WDR44: variants seen among roughly 807,000 people sequenced by gnomAD.
WDR44 encodes WD repeat domain 44, also known as WD repeat-containing protein 44.
In WDR44, 9 loss-of-function variants were observed where a neutral mutation model predicts 65.7. That is an observed-to-expected ratio of 0.14 (90% confidence interval 0.08 to 0.24). WDR44 has a LOEUF of 0.24. Ranked by LOEUF, WDR44 falls within the 10% of genes least tolerant of loss-of-function variation. The pLI, the probability that WDR44 is intolerant of heterozygous loss-of-function variation, is 1.00. For synonymous variants in WDR44, 220 were observed against 235.2 expected, an observed-to-expected ratio of 0.94 and a Z score of 0.59; for missense variants, 425 against 670.9, an observed-to-expected ratio of 0.63 and a Z score of 4.05.
chrX:118,424,339 A>ATATATATATG lies in WDR44; in HGVS notation c.1738-8432_1738-8423dup, dbSNP rs1556124705. ...TGTGTGTGTGTATATATATATATAT[A>ATATATATATG]TATATATATGTATATATATATAATG... On this transcript the variant is annotated intron_variant, in intron 12 of 19. Coordinates refer to ENST00000254029, the MANE Select transcript of WDR44 (RefSeq NM_019045.5). Among the ~76,000 whole-genome samples, 190 of 85,200 alleles carry ATATATATATG rather than the reference A, an allele frequency of 2.2e-3. 2 individuals are homozygous for ATATATATATG. Among genetic ancestry groups the ATATATATATG allele is most frequent in the African/African-American group, 0.011 (179 of 16,595 alleles). The allele number at this position is 85,200 out of a possible 115,157, so 74.0% of individuals were successfully genotyped here. A position where few individuals can be genotyped will look rare whatever the true frequency, so the allele number is the denominator to read the frequency against.
At chrX:118,397,530 A>G (rs1196361343) in intron 7 of WDR44, among the ~76,000 whole-genome samples, 1 of 111,380 alleles carries the variant, frequency 9.0e-6, no homozygotes, top group Non-Finnish European at 1.9e-5. Context: ...TAACAGAAAA[A>G]TGAGGCTAAA....
At chrX:118,420,753 G>C (rs2057098166) in intron 12 of WDR44, among the ~76,000 whole-genome samples, 2 of 112,319 alleles carry the variant, frequency 1.8e-5, no homozygotes, top group Non-Finnish European at 3.8e-5. Flanking sequence ...CCTTCACAGG[G>C]CAAAGCCCTA....
intron 2 of WDR44, among the ~76,000 whole-genome samples, chrX:118,380,337 A>G (rs981700932): frequency 3.6e-5 from 4 of 111,681 alleles, no homozygotes; most frequent in Non-Finnish European, 7.5e-5. Context: ...ATGCAGAACT[A>G]TTTCATCATC....
At chrX:118,377,717 C>T (rs953180082) in intron 1 of WDR44, among the ~76,000 whole-genome samples, 1 of 75,650 alleles carries the variant, frequency 1.3e-5, no homozygotes, top group Admixed American at 1.7e-4. Flanking sequence ...TAATTTTCTT[C>T]TCTCTCTTTT....
At chrX:118,402,003 GT>G (rs1007133722) in intron 8 of WDR44, among the ~76,000 whole-genome samples, 2 of 103,588 alleles carry the variant, frequency 1.9e-5, no homozygotes, top group African/African-American at 3.7e-5. Context: ...GCTGTTTTTT[GT>G]TTTTTTTGTT....
chrX:118,379,746 G>A (rs1488492037), intron 2 of WDR44, among the ~76,000 whole-genome samples: 1 of 111,589 alleles, frequency 9.0e-6, no homozygotes, highest in Non-Finnish European at 1.9e-5. Flanking sequence ...GAGTGCTTAA[G>A]AAAAGTTATA....
chrX:118,382,774 T>C (rs1333770668), intron 2 of WDR44, among the ~76,000 whole-genome samples: 28 of 111,906 alleles, frequency 2.5e-4, no homozygotes, highest in African/African-American at 8.4e-4. Context: ...TTGCTGAAAA[T>C]TGAATAAGCT....
rs769116430 is a variant in WDR44 at position 118,425,337 on chromosome X, A to G, written c.1738-7444A>G. Among the ~76,000 whole-genome samples the G allele has an allele frequency of 7.1e-5, 8 of 112,434 alleles. No homozygotes were observed. In the South Asian group the frequency reaches 2.9e-3, roughly 41 times the overall value. On this transcript the variant is annotated intron_variant, in intron 12 of 19. Transcript: ENST00000254029. The stretch of plus-strand genomic sequence containing the variant: ...TTTTAAAAGGATCATTCTGACTTTT[A>G]TACTGAGAACAAACTATAAGAAGAT...
chrX:118,444,248 C>T, intron 18 of WDR44, 112 bp from the exon 19 acceptor site: 3 of 917,016 alleles, frequency 3.3e-6, no homozygotes, highest in Non-Finnish European at 4.4e-6. Context: ...TTTTAAATCA[C>T]TCTTAGTTAC....
chrX:118,349,774 T>G (rs2056388049), intron 1 of WDR44, among the ~76,000 whole-genome samples: 1 of 110,910 alleles, frequency 9.0e-6, no homozygotes, highest in South Asian at 3.8e-4. Flanking sequence ...GGTCTTGAAC[T>G]CCTAACCTCA....
chrX:118,347,962 A>C, intron 1 of WDR44, among the ~76,000 whole-genome samples: 1 of 111,421 alleles, frequency 9.0e-6, no homozygotes, highest in East Asian at 2.8e-4. Flanking sequence ...CGTGAAACTT[A>C]ATTTTTGTGT....
At chrX:118,394,553 C>T (rs1410209307) in intron 5 of WDR44, among the ~76,000 whole-genome samples, 2 of 107,476 alleles carry the variant, frequency 1.9e-5, no homozygotes, top group Non-Finnish European at 3.9e-5. Flanking sequence ...CTGTATTGGT[C>T]AGAATTGAAG....
At chrX:118,428,488 T>C (rs1365458983) in intron 12 of WDR44, among the ~76,000 whole-genome samples, 1 of 111,452 alleles carries the variant, frequency 9.0e-6, no homozygotes, top group African/African-American at 3.3e-5. Flanking sequence ...GCTAAATTAT[T>C]AATAATATTC....
In WDR44 at chrX:118,442,257, A is replaced by G; in HGVS notation, c.2180A>G (p.His727Arg). 8.3e-7 allele frequency: 1 copy of G among 1,206,791 alleles called. No individual in the cohort carries two copies. The highest frequency in any genetic ancestry group is 1.1e-6 in the Non-Finnish European group (1 of 891,334). Residue 727 changes from histidine (H) to arginine (R), a missense_variant, in exon 16 of 20, where the codon CAT (histidine) becomes CGT (arginine). Physicochemically the swap from His to Arg is conservative, Grantham distance 29. This residue lies in a region of WDR44 where 73 missense variants were observed against 187.4 expected (regional missense o/e 0.39). Transcript: ENST00000254029. ...GTTTATTTTTAGCATTTGAAATACC[A>G]TACACAAATACATGTCCGATCTACT... ...IFYDTEHLKYHTQIHVRSTRG... is the reference protein window; with the variant it reads ...IFYDTEHLKYRTQIHVRSTRG...
chrX:118,406,131 A>G (rs777371171), intron 9 of WDR44, among the ~76,000 whole-genome samples: 22 of 112,200 alleles, frequency 2.0e-4, no homozygotes, highest in Admixed American at 4.7e-4. Flanking sequence ...CTGTCTTTAA[A>G]AAAGAAAGCA....
At chrX:118,385,388 C>G (rs760787491) in intron 2 of WDR44, among the ~76,000 whole-genome samples, 1 of 111,630 alleles carries the variant, frequency 9.0e-6, no homozygotes, top group Non-Finnish European at 1.9e-5. Context: ...TTATCCTTAG[C>G]AAATCAATGC....
At chrX:118,447,875 AATATATATATATATATATATATAT>A (rs10570740) in intron 19 of WDR44, among the ~76,000 whole-genome samples, 7 of 54,809 alleles carry the variant, frequency 1.3e-4, no homozygotes, top group Admixed American at 2.4e-4. Flanking sequence ...CTCTATCTAA[AATATATATATATATATATATATAT>A]ATATATATAT....
intron 14 of WDR44, among the ~76,000 whole-genome samples, chrX:118,440,045 A>G: frequency 9.5e-6 from 1 of 104,825 alleles, no homozygotes; most frequent in East Asian, 3.0e-4. Flanking sequence ...ACTTGAGCCC[A>G]GGAGGTCGAG....
intron 1 of WDR44, among the ~76,000 whole-genome samples, chrX:118,356,587 A>G (rs1309169654): frequency 9.2e-6 from 1 of 108,267 alleles, no homozygotes; most frequent in East Asian, 2.9e-4. Flanking sequence ...CTGCTTTGTC[A>G]CTCTTTGTGA....
Sources: gnomAD v4.1 joint callset for allele counts (sites outside exome capture counted in the v4.1 genomes callset) on GRCh38, gnomAD v4.1.1 for gene constraint, gnomAD v4.1.1 regional missense constraint, MANE v1.5 for transcripts, NCBI Gene and HGNC (gene_info 2026-07-23, HGNC 2026-07-21) for gene names.